The following ST6GALNAC3 variants were observed in gnomAD, a reference collection of about 807,000 sequenced individuals.
ST6GALNAC3 encodes the protein ST6 N-acetylgalactosaminide alpha-2,6-sialyltransferase 3.
ST6GALNAC3 carries 25 observed loss-of-function variants against 32.7 expected under a neutral mutation model. That is an observed-to-expected ratio of 0.76 (90% CI 0.56 to 1.07). The LOEUF (loss-of-function observed/expected upper bound fraction) is 1.07, where lower values mean the gene tolerates loss of function less well. Among genes scored for constraint, ST6GALNAC3 ranks in the 50% least tolerant of loss-of-function variants. The pLI is 0.00. For missense variants in ST6GALNAC3, 355 were observed against 382.4 expected (o/e 0.93, Z 0.60); for synonymous variants, 129 against 133.1 (o/e 0.97, Z 0.21).
chr1:76,190,551 C>T (rs1557684393), intron 1 of ST6GALNAC3, among the ~76,000 whole-genome samples: 1 of 152,194 alleles, frequency 6.6e-6, no homozygotes, highest in Non-Finnish European at 1.5e-5. Context: ...TTCAGAATTT[C>T]CCACAATCGT....
In ST6GALNAC3 at chr1:76,075,291, C is replaced by T. The variant is rs182322195; in HGVS notation, c.18+407C>T. ...GTTGCTGGTGGTGAGGGGCATAGCG[C>T]TTTAAATGGAGGGAAGAGTGAGCGG... On this transcript the variant is annotated intron_variant, in intron 1 of 4. Coordinates refer to ENST00000328299, the MANE Select transcript of ST6GALNAC3 (RefSeq NM_152996.4). Among the ~76,000 whole-genome samples, 526 of 152,226 alleles carry T rather than the reference C, an allele frequency of 3.5e-3. 2 individuals carry two copies. The highest frequency in any genetic ancestry group is 0.012 in the African/African-American group (500 of 41,532).
intron 3 of ST6GALNAC3, among the ~76,000 whole-genome samples, chr1:76,579,230 A>G (rs572158257): frequency 6.6e-6 from 1 of 152,198 alleles, no homozygotes; most frequent in East Asian, 1.9e-4. Context: ...ATAATATAAA[A>G]GAAACCTCTA....
chr1:76,133,840 A>G (rs1256359203), intron 1 of ST6GALNAC3, among the ~76,000 whole-genome samples: 2 of 152,214 alleles, frequency 1.3e-5, no homozygotes, highest in African/African-American at 2.4e-5. Context: ...GAAGGACTCC[A>G]TGCACAAGGG....
intron 1 of ST6GALNAC3, among the ~76,000 whole-genome samples, chr1:76,217,514 T>A (rs1202476256): frequency 6.6e-6 from 1 of 152,036 alleles, no homozygotes; most frequent in Non-Finnish European, 1.5e-5. Context: ...ACACAACTTC[T>A]TCTTATTATT....
intron 2 of ST6GALNAC3, among the ~76,000 whole-genome samples, chr1:76,329,698 A>G (rs907176971): frequency 1.2e-4 from 18 of 152,168 alleles, no homozygotes; most frequent in African/African-American, 3.9e-4. Context: ...CACATGGATC[A>G]TTCTTTAGGT....
chr1:76,308,086 G>T (rs1661172733), intron 1 of ST6GALNAC3, among the ~76,000 whole-genome samples: 1 of 151,396 alleles, frequency 6.6e-6, no homozygotes, highest in Non-Finnish European at 1.5e-5. Flanking sequence ...CAATTCATCA[G>T]ATCTATTTGG....
rs12077082 is a variant in ST6GALNAC3, at chr1:76,568,759, G to A, written c.624-58693G>A. Among the ~76,000 whole-genome samples the A allele has an allele frequency of 5.0e-3, 763 of 152,238 alleles. 6 individuals carry two copies. The highest frequency in any genetic ancestry group is 0.017 in the African/African-American group (688 of 41,542). On this transcript the variant is annotated intron_variant, in intron 3 of 4. Transcript: ENST00000328299. Reference sequence around the variant, plus strand: ...AGCTGTGGCCTCAAATCCCAGGTTCGCCAAGAGTGTTTCTGCTCATGTATC... The same window carrying A: ...AGCTGTGGCCTCAAATCCCAGGTTCACCAAGAGTGTTTCTGCTCATGTATC...
intron 2 of ST6GALNAC3, among the ~76,000 whole-genome samples, chr1:76,324,878 A>G (rs868794364): frequency 2.4e-4 from 36 of 152,294 alleles, no homozygotes; most frequent in Middle Eastern, 3.4e-3. Context: ...ATTCCAAAAT[A>G]TAAGGTTTGC....
intron 1 of ST6GALNAC3, among the ~76,000 whole-genome samples, chr1:76,260,973 T>TAC (rs59946768): frequency 0.36 from 52,020 of 146,068 alleles, 9,398 homozygotes; most frequent in East Asian, 0.55. Flanking sequence ...GAGGTTTTGA[T>TAC]ACACACACAC....
At chr1:76,102,422 A>C (rs1486935612) in intron 1 of ST6GALNAC3, among the ~76,000 whole-genome samples, 1 of 152,042 alleles carries the variant, frequency 6.6e-6, no homozygotes, top group Admixed American at 6.6e-5. Flanking sequence ...GTGGGTTGAA[A>C]TTTATTATTT....
At chr1:76,254,597 A>C (rs1657809731) in intron 1 of ST6GALNAC3, among the ~76,000 whole-genome samples, 1 of 151,998 alleles carries the variant, frequency 6.6e-6, no homozygotes, top group Non-Finnish European at 1.5e-5. Flanking sequence ...ACCAGGTTCA[A>C]CCTCCTGCAA....
chr1:76,566,952 T>G (rs1328753005), intron 3 of ST6GALNAC3, among the ~76,000 whole-genome samples: 2 of 152,168 alleles, frequency 1.3e-5, no homozygotes, highest in Admixed American at 1.3e-4. Context: ...GTGATTCACT[T>G]TGTCCCAGTG....
At chr1:76,588,803 C>G (rs1647002461) in intron 3 of ST6GALNAC3, among the ~76,000 whole-genome samples, 1 of 152,192 alleles carries the variant, frequency 6.6e-6, no homozygotes, top group Non-Finnish European at 1.5e-5. Flanking sequence ...TTCATGGTCC[C>G]AGCTTCTGCC....
At chr1:76,096,649 T>C (rs1445401191) in intron 1 of ST6GALNAC3, among the ~76,000 whole-genome samples, 1 of 151,736 alleles carries the variant, frequency 6.6e-6, no homozygotes, top group African/African-American at 2.4e-5. Context: ...AACAATTAAA[T>C]AGCCCAATGA....
chr1:76,573,855 T>C (rs898503061), intron 3 of ST6GALNAC3, among the ~76,000 whole-genome samples: 4 of 141,100 alleles, frequency 2.8e-5, no homozygotes, highest in Non-Finnish European at 4.8e-5. Flanking sequence ...TTTGGGTCCT[T>C]GGAGCCAGTG....
intron 1 of ST6GALNAC3, among the ~76,000 whole-genome samples, chr1:76,300,577 A>T (rs1660669659): frequency 6.6e-6 from 1 of 152,004 alleles, no homozygotes; most frequent in Non-Finnish European, 1.5e-5. Context: ...CTGCCTAAGG[A>T]CAGCTAAGTG....
At chr1:76,624,803 T>G (rs1346970418) in intron 3 of ST6GALNAC3, among the ~76,000 whole-genome samples, 3 of 151,930 alleles carry the variant, frequency 2.0e-5, no homozygotes, top group Non-Finnish European at 4.4e-5. Flanking sequence ...TCACTACCAT[T>G]GCAAGGTAAA....
At chr1:76,267,281 G>A (rs555325099) in intron 1 of ST6GALNAC3, among the ~76,000 whole-genome samples, 10 of 152,202 alleles carry the variant, frequency 6.6e-5, no homozygotes, top group Non-Finnish European at 1.0e-4. Flanking sequence ...AAGCTTCGTG[G>A]ACTTTGTCAC....
chr1:76,508,855 T>A lies in ST6GALNAC3; in HGVS notation c.623+96438T>A, dbSNP rs538305040. ...GCTGATTTCTGAGAAACTGGGCATA[T>A]TTCTCATTGAAGAACCAATAAGAAA... On this transcript the variant is annotated intron_variant, in intron 3 of 4. Coordinates refer to ENST00000328299, the MANE Select transcript of ST6GALNAC3 (RefSeq NM_152996.4). Among the ~76,000 whole-genome samples, 9 of 152,344 alleles carry A rather than the reference T, an allele frequency of 5.9e-5. No individual in the cohort carries two copies. The South Asian group carries it at 1.9e-3, about 32-fold the overall frequency.
Sources: allele counts gnomAD v4.1 joint callset (sites outside exome capture counted in the v4.1 genomes callset), GRCh38; gene constraint gnomAD v4.1.1; transcripts MANE v1.5; gene names NCBI Gene and HGNC (gene_info 2026-07-23, HGNC 2026-07-21).